CACNA1C: variants seen among roughly 807,000 people sequenced by gnomAD.
The protein encoded by CACNA1C is calcium voltage-gated channel subunit alpha1 C.
A neutral mutation model predicts 229.0 loss-of-function variants in CACNA1C; 30 were observed. The observed-to-expected ratio is 0.13, with a 90% confidence interval of 0.10 to 0.18. The LOEUF is 0.18. Among genes scored for constraint, CACNA1C ranks in the 10% least tolerant of loss-of-function variants. The pLI, the probability that CACNA1C is intolerant of heterozygous loss-of-function variation, is 1.00. For missense variants in CACNA1C, 1,658 were observed against 2,845.0 expected, an observed-to-expected ratio of 0.58 and a Z score of 9.49; for synonymous variants, 1,114 against 1,132.5, an observed-to-expected ratio of 0.98 and a Z score of 0.33.
At chr12:2,299,897 C>G (rs1337215733) in intron 3 of CACNA1C, among the ~76,000 whole-genome samples, 1 of 152,198 alleles carries the variant, frequency 6.6e-6, no homozygotes, top group African/African-American at 2.4e-5. Flanking sequence ...TTTCTGCTTC[C>G]TAAGAGTGTT....
intron 3 of CACNA1C, among the ~76,000 whole-genome samples, chr12:2,433,053 G>A (rs968330348): frequency 1.3e-5 from 2 of 152,228 alleles, no homozygotes; most frequent in African/African-American, 4.8e-5. Flanking sequence ...CTGGAATGAG[G>A]TTCCTGTTCC....
rs1470846177 is a variant in CACNA1C at position 2,633,869 on chromosome 12, C to T, written c.3829-428C>T. Among the ~76,000 whole-genome samples, 2 of 152,112 alleles carry T rather than the reference C, an allele frequency of 1.3e-5. No homozygotes were observed. The highest frequency in any genetic ancestry group is 4.8e-5 in the African/African-American group (2 of 41,402). ...CAGTCATGCCTTTTATTGAACCTGC[C>T]GTCGTCCTGTGGGGGAAAAAAAGTG... On this transcript the variant is annotated intron_variant, in intron 29 of 46. Coordinates refer to ENST00000399655, the MANE Select transcript of CACNA1C (RefSeq NM_000719.7). This position sits in a 1 kb window ranked among gnomAD's most constrained non-coding sequence, Gnocchi z 5.8.
chr12:2,400,066 A>C (rs1286628950), intron 3 of CACNA1C, among the ~76,000 whole-genome samples: 1 of 152,162 alleles, frequency 6.6e-6, no homozygotes, highest in Non-Finnish European at 1.5e-5. Flanking sequence ...TGTATTCCTA[A>C]AACTATATCA....
In CACNA1C at chr12:2,412,603, A is replaced by C. The variant is rs372641744; in HGVS notation, c.478-36373A>C. ...TTTGCCCTATCTCTGTCATTAATTC[A>C]ATTTAATTCAGTCACCTCCGCTTCA... On this transcript the variant is annotated intron_variant, in intron 3 of 46. Transcript: ENST00000399655. Among the ~76,000 whole-genome samples the C allele has an allele frequency of 2.0e-4, 31 of 152,334 alleles. No homozygotes were observed. The East Asian group carries it at 4.1e-3, about 20-fold the overall frequency.
At chr12:2,151,570 T>C (rs2095270337) in intron 3 of CACNA1C, among the ~76,000 whole-genome samples, 1 of 152,196 alleles carries the variant, frequency 6.6e-6, no homozygotes, top group South Asian at 2.1e-4. Context: ...CCAAGGCATC[T>C]GGCTGGGAGG....
At chr12:2,489,266 G>C (rs1257578137) in intron 6 of CACNA1C, among the ~76,000 whole-genome samples, 10 of 152,150 alleles carry the variant, frequency 6.6e-5, no homozygotes, top group African/African-American at 2.4e-4. Flanking sequence ...TTCACAGACT[G>C]TGAATTTTAT....
intron 3 of CACNA1C, among the ~76,000 whole-genome samples, chr12:2,203,142 A>G (rs1215929789): frequency 6.6e-6 from 1 of 152,150 alleles, no homozygotes; most frequent in African/African-American, 2.4e-5. Flanking sequence ...AGTATTTTCC[A>G]TGAAGGGAAG....
intron 3 of CACNA1C, 79 bp downstream of exon 3, chr12:2,120,509 G>A (rs778428494): frequency 1.7e-4 from 149 of 857,344 alleles, no homozygotes; most frequent in Non-Finnish European, 2.8e-4. Flanking sequence ...CATGGAATGT[G>A]GGAGAGAAGT....
chr12:1,988,979 T>C (rs1235351670), intron 1 of CACNA1C, among the ~76,000 whole-genome samples: 3 of 152,240 alleles, frequency 2.0e-5, no homozygotes, highest in Admixed American at 6.5e-5. Context: ...TCTGATTTGA[T>C]CTAAACTTCA....
At chr12:2,440,705 A>C (rs1337946465) in intron 3 of CACNA1C, among the ~76,000 whole-genome samples, 2 of 152,238 alleles carry the variant, frequency 1.3e-5, no homozygotes, top group East Asian at 3.8e-4. Context: ...AAGGAATGTC[A>C]GACCAGCCAT....
intron 3 of CACNA1C, among the ~76,000 whole-genome samples, chr12:2,207,931 A>G (rs1411408748): frequency 6.6e-6 from 1 of 152,188 alleles, no homozygotes; most frequent in African/African-American, 2.4e-5. Flanking sequence ...AATGGTCCCT[A>G]TCTTCAAGGC....
At chr12:2,495,274 C>T (rs903714250) in intron 7 of CACNA1C, among the ~76,000 whole-genome samples, 3 of 152,146 alleles carry the variant, frequency 2.0e-5, no homozygotes, top group Non-Finnish European at 4.4e-5. Context: ...GGGGTGGGTC[C>T]CTCTGACCAG....
intron 3 of CACNA1C, among the ~76,000 whole-genome samples, chr12:2,312,620 G>A (rs1215009615): frequency 1.3e-5 from 2 of 152,178 alleles, no homozygotes; most frequent in Non-Finnish European, 2.9e-5. Flanking sequence ...TGCTTTGGGT[G>A]TACAGTAGTT....
chr12:2,596,636 A>G (rs1195685556), intron 20 of CACNA1C, among the ~76,000 whole-genome samples: 2 of 152,146 alleles, frequency 1.3e-5, no homozygotes, highest in African/African-American at 4.8e-5. Flanking sequence ...CGAGGTTAGC[A>G]GGTGTTGGCC....
Position 2,681,943 on chromosome 12 carries a change from C to G in CACNA1C, c.5445-607C>G, listed in dbSNP as rs1191894909. 1.1e-5 allele frequency: 17 copies of G among 1,533,562 alleles called. No individual in the cohort carries two copies. Among genetic ancestry groups the G allele is most frequent in the Non-Finnish European group, 1.3e-5 (14 of 1,107,974 alleles). The allele number at this position is 1,533,562 out of a possible 1,614,324, so 95.0% of individuals were successfully genotyped here. A position where few individuals can be genotyped will look rare whatever the true frequency, so the allele number is the denominator to read the frequency against. On this transcript the variant is annotated intron_variant, in intron 42 of 46. Transcript: ENST00000399655. ...GAGCTAAAGATGACCTGACCCTGTC[C>G]CAGCAGGGAAAGGCACGTTCCGATG...
intron 3 of CACNA1C, among the ~76,000 whole-genome samples, chr12:2,195,650 A>G (rs1394497044): frequency 6.6e-6 from 1 of 152,222 alleles, no homozygotes; most frequent in African/African-American, 2.4e-5. Context: ...AGGAGGACAG[A>G]TGGATGAGCA....
At chr12:2,472,635 T>C (rs2099599459) in intron 5 of CACNA1C, among the ~76,000 whole-genome samples, 1 of 152,214 alleles carries the variant, frequency 6.6e-6, no homozygotes, top group Admixed American at 6.5e-5. Context: ...CCCACATATA[T>C]ATAGCTGTTT....
intron 4 of CACNA1C, among the ~76,000 whole-genome samples, chr12:2,455,976 C>T (rs1408763264): frequency 1.3e-5 from 2 of 152,188 alleles, no homozygotes; most frequent in African/African-American, 4.8e-5. Flanking sequence ...ATGAACTATA[C>T]AACTGCTGCG....
chr12:2,648,547 TC>T, intron 31 of CACNA1C, 40 bp downstream of exon 31: 2 of 1,600,886 alleles, frequency 1.2e-6, no homozygotes, highest in South Asian at 1.1e-5. Context: ...GGCTTCCGTG[TC>T]CCCCTCTAAC....
Sources: allele counts gnomAD v4.1 joint callset (sites outside exome capture counted in the v4.1 genomes callset), GRCh38; gene constraint gnomAD v4.1.1; non-coding constraint Gnocchi (gnomAD v3.1); transcripts MANE v1.5; gene names NCBI Gene and HGNC (gene_info 2026-07-23, HGNC 2026-07-21).